LEO1: variants seen among roughly 807,000 people sequenced by gnomAD.
The protein encoded by LEO1 is LEO1 component of Paf1/RNA polymerase II complex, also known as RNA polymerase-associated protein LEO1.
In LEO1, 34 loss-of-function variants were observed where a neutral mutation model predicts 80.4. That is an observed-to-expected ratio of 0.42 (90% CI 0.32 to 0.56). The LOEUF is 0.56. LEO1 is among the 20% of genes least tolerant of loss of function. LEO1 has a pLI of 0.10. For missense variants in LEO1, 631 were observed against 814.2 expected (o/e 0.77, Z 2.74); for synonymous variants, 262 against 274.9 (o/e 0.95, Z 0.46).
At chr15:51,951,134 A>C (rs957551687) in intron 9 of LEO1, among the ~76,000 whole-genome samples, 2 of 152,254 alleles carry the variant, frequency 1.3e-5, no homozygotes, top group African/African-American at 2.4e-5. Context: ...GGACTGTCTT[A>C]GCCTCACCAT....
intron 2 of LEO1, among the ~76,000 whole-genome samples, chr15:51,962,992 T>C (rs1432434046): frequency 1.3e-5 from 2 of 151,250 alleles, no homozygotes; most frequent in East Asian, 3.9e-4. Flanking sequence ...AAATAAATAC[T>C]GGTGCCAGTT....
intron 1 of LEO1, among the ~76,000 whole-genome samples, chr15:51,968,201 A>C (rs1265447299): frequency 6.6e-6 from 1 of 151,974 alleles, no homozygotes; most frequent in Non-Finnish European, 1.5e-5. Context: ...AAATAAATAC[A>C]TAATATTGCT....
At position 51,971,359 on chromosome 15, in the gene LEO1, G is replaced by A. The variant is rs4545757; in HGVS notation, c.58+329C>T. ...AACAGCCCTTACTCTACGCTGGCCT[G>A]TGCAAGGCAAGGCGGAACAGGACTC... On this transcript the variant is annotated intron_variant, in intron 1 of 11. Coordinates refer to ENST00000299601, the MANE Select transcript of LEO1 (RefSeq NM_138792.4). Among the ~76,000 whole-genome samples, 800 of 152,288 alleles carry A rather than the reference G, an allele frequency of 5.3e-3. 11 individuals carry two copies. Among genetic ancestry groups the A allele is most frequent in the African/African-American group, 0.018 (764 of 41,564 alleles).
chr15:51,950,600 T>A (rs1236344030), intron 9 of LEO1, among the ~76,000 whole-genome samples: 1 of 152,158 alleles, frequency 6.6e-6, no homozygotes, highest in Non-Finnish European at 1.5e-5. Flanking sequence ...AGGGGTGGTG[T>A]TGGAGTAGGT....
At chr15:51,953,413 G>A (rs1434097989) in intron 7 of LEO1, 150 bp from the exon 8 acceptor site, 2 of 706,254 alleles carry the variant, frequency 2.8e-6, no homozygotes, top group African/African-American at 1.8e-5. Context: ...ACGAGGTCAG[G>A]AGTTTGAGAC....
At chr15:51,960,077 A>G (rs762274224) in intron 4 of LEO1, 33 bp from the exon 5 acceptor site, 3 of 1,575,642 alleles carry the variant, frequency 1.9e-6, no homozygotes, top group Admixed American at 3.6e-5. Context: ...GGAGCTTGAC[A>G]GGACCTTAGA....
At chr15:51,943,860 A>G (rs757338319) in intron 11 of LEO1, among the ~76,000 whole-genome samples, 1 of 152,106 alleles carries the variant, frequency 6.6e-6, no homozygotes, top group Non-Finnish European at 1.5e-5. Flanking sequence ...GAACAGCACA[A>G]TAGTAGATTT....
chr15:51,966,632 C>T (rs558350760), intron 1 of LEO1, 128 bp from the exon 2 acceptor site: 12 of 609,150 alleles, frequency 2.0e-5, no homozygotes, highest in African/African-American at 1.1e-4. Context: ...ATTCTAAGGC[C>T]GGGTGCAGTG....
chr15:51,955,363 T>C (rs1053360131), intron 6 of LEO1, among the ~76,000 whole-genome samples: 1 of 152,192 alleles, frequency 6.6e-6, no homozygotes, highest in Non-Finnish European at 1.5e-5. Flanking sequence ...CATATATGAA[T>C]AAGGATAAAT....
intron 6 of LEO1, 43 bp downstream of exon 6, chr15:51,958,699 T>C: frequency 7.9e-7 from 1 of 1,263,744 alleles, no homozygotes; most frequent in Middle Eastern, 2.0e-4. Context: ...TCTCCAGGTT[T>C]TACTTTATAA....
At chr15:51,964,721 TTAAGC>T (rs2057061263) in intron 2 of LEO1, among the ~76,000 whole-genome samples, 1 of 152,166 alleles carries the variant, frequency 6.6e-6, no homozygotes. Context: ...GCCCTCATAT[TTAAGC>T]TAAGAAGATA....
chr15:51,942,550 T>G, intron 11 of LEO1, among the ~76,000 whole-genome samples: 1 of 152,238 alleles, frequency 6.6e-6, no homozygotes. Context: ...GACTCACATT[T>G]GCCTGTTGTT....
At position 51,938,278 on chromosome 15, in the gene LEO1, T is replaced by A; in HGVS notation, c.1897-18A>T. 1 of 1,418,262 alleles carries A rather than the reference T, an allele frequency of 7.1e-7. No homozygotes were observed. 87.9% of individuals were successfully genotyped at this position (1,418,262 alleles called of 1,614,324 possible). The stretch of plus-strand genomic sequence containing the variant: ...TCACCTTCCTAAACAGATACAATTT[T>A]TACAAATCTACAAGTCAATAAAGAA... On this transcript the variant is annotated intron_variant, in intron 11 of 11. Coordinates refer to ENST00000299601, the MANE Select transcript of LEO1 (RefSeq NM_138792.4).
intron 1 of LEO1, among the ~76,000 whole-genome samples, chr15:51,968,229 G>T (rs1595949213): frequency 1.3e-5 from 2 of 151,752 alleles, no homozygotes; most frequent in African/African-American, 2.4e-5. Flanking sequence ...GTTCAAAACT[G>T]GTTAATGTCT....
intron 11 of LEO1, among the ~76,000 whole-genome samples, chr15:51,939,994 G>A (rs1276511114): frequency 3.3e-5 from 5 of 152,122 alleles, no homozygotes; most frequent in African/African-American, 9.7e-5. Flanking sequence ...GATGGCTCAC[G>A]CCTGTAATCC....
At chr15:51,938,594 C>T (rs1028302011) in intron 11 of LEO1, among the ~76,000 whole-genome samples, 6 of 152,168 alleles carry the variant, frequency 3.9e-5, no homozygotes, top group Non-Finnish European at 7.3e-5. Flanking sequence ...TCTCTGCCTC[C>T]TCAGCATTTC....
At chr15:51,965,727 C>T in intron 2 of LEO1, 22 bp downstream of exon 2, 1 of 1,580,826 alleles carries the variant, frequency 6.3e-7, no homozygotes, top group Non-Finnish European at 8.6e-7. Context: ...CTGAGCCATT[C>T]TGGTTCTCAT....
rs886513081 is a variant in LEO1 at position 51,960,178 on chromosome 15, C to T, written c.1015-134G>A. 6.5e-6 allele frequency: 4 copies of T among 616,376 alleles called. No individual in the cohort carries two copies. In the African/African-American group the frequency reaches 7.6e-5, roughly 12 times the overall value. 38.2% of individuals were successfully genotyped at this position (616,376 alleles called of 1,614,324 possible). A position where few individuals can be genotyped will look rare whatever the true frequency, so the allele number is the denominator to read the frequency against. On this transcript the variant is annotated intron_variant, in intron 4 of 11. Transcript: ENST00000299601. ...TTTAGGACTAAAGAAGTCCCCAGTC[C>T]CCATCCCAACCCACCTACACACAAA... is the stretch of plus-strand genomic sequence containing the variant.
At chr15:51,964,455 C>T (rs995563105) in intron 2 of LEO1, among the ~76,000 whole-genome samples, 1 of 151,278 alleles carries the variant, frequency 6.6e-6, no homozygotes, top group African/African-American at 2.4e-5. Context: ...ATGTAAATGA[C>T]GAGTTGATGG....
Sources: gnomAD v4.1 joint callset for allele counts (sites outside exome capture counted in the v4.1 genomes callset) on GRCh38, gnomAD v4.1.1 for gene constraint, MANE v1.5 for transcripts, NCBI Gene and HGNC (gene_info 2026-07-23, HGNC 2026-07-21) for gene names.